Variants in CCBE1 observed in about 807,000 individuals in gnomAD.
The protein encoded by CCBE1 is collagen and calcium binding EGF domains 1.
CCBE1 carries 37 observed loss-of-function variants against 50.0 expected under a neutral mutation model. The observed-to-expected ratio is 0.74, with a 90% confidence interval of 0.57 to 0.97. The LOEUF (loss-of-function observed/expected upper bound fraction) is 0.97. Among genes scored for constraint, CCBE1 ranks in the 50% least tolerant of loss-of-function variants. The probability of loss-of-function intolerance (pLI) is 0.00; values close to 1 mark genes in which losing one functional copy is unlikely to be tolerated. For missense variants in CCBE1, 538 were observed against 523.8 expected (o/e 1.03, Z -0.26); for synonymous variants, 234 against 203.7 (o/e 1.15, Z -1.27).
At chr18:59,593,974 A>C (rs2053313189) in intron 2 of CCBE1, among the ~76,000 whole-genome samples, 1 of 152,210 alleles carries the variant, frequency 6.6e-6, no homozygotes, top group African/African-American at 2.4e-5. Flanking sequence ...TGCATTCAAG[A>C]ACCATGTCCC....
chr18:59,696,610 G>GCAGAGCCCC lies in CCBE1; in HGVS notation c.212+10_212+18dup, dbSNP rs1568278581. ...CCCGGTGCGCAGTGGCGAACAGCCC[G>GCAGAGCCCC]CAGAGCCCCCAGGCTTACCTGTAGC... On this transcript the variant is annotated intron_variant, in intron 2 of 10. Coordinates refer to ENST00000439986, the MANE Select transcript of CCBE1 (RefSeq NM_133459.4). 2 of 1,613,186 alleles carry GCAGAGCCCC rather than the reference G, an allele frequency of 1.2e-6. No individual in the cohort carries two copies. The highest frequency in any genetic ancestry group is 2.2e-5 in the South Asian group (2 of 91,068).
At chr18:59,691,227 A>C (rs1221086163) in intron 2 of CCBE1, among the ~76,000 whole-genome samples, 1 of 151,760 alleles carries the variant, frequency 6.6e-6, no homozygotes, top group Non-Finnish European at 1.5e-5. Context: ...GCCTCTGAGG[A>C]TATAGTCATG....
intron 2 of CCBE1, among the ~76,000 whole-genome samples, chr18:59,592,920 A>T (rs1307225681): frequency 6.6e-6 from 1 of 152,214 alleles, no homozygotes; most frequent in Non-Finnish European, 1.5e-5. Flanking sequence ...AAATAAAAAA[A>T]AAGGAAGGAA....
chr18:59,557,587 G>A (rs1207542668), intron 2 of CCBE1, among the ~76,000 whole-genome samples: 8 of 152,092 alleles, frequency 5.3e-5, no homozygotes, highest in Non-Finnish European at 8.8e-5. Context: ...CCAGTCAGAC[G>A]TTTGCATAGG....
rs146325418 is a variant in CCBE1, at chr18:59,474,276, C to T, written c.266-4669G>A. On this transcript the variant is annotated intron_variant, in intron 3 of 10. Coordinates refer to ENST00000439986, the MANE Select transcript of CCBE1 (RefSeq NM_133459.4). ...CACTGCTGGGCCAAATGGTAGTTTC[C>T]CTCTAATATCTGATGATCCTGAGAC... Among the ~76,000 whole-genome samples the T allele has an allele frequency of 5.6e-3, 850 of 152,184 alleles. 7 individuals carry two copies. Among genetic ancestry groups the T allele is most frequent in the African/African-American group, 0.019 (806 of 41,510 alleles).
chr18:59,498,341 G>A (rs760438922), intron 2 of CCBE1, among the ~76,000 whole-genome samples: 33 of 152,176 alleles, frequency 2.2e-4, no homozygotes, highest in African/African-American at 6.8e-4. Context: ...TTTGATTTGG[G>A]TGTTAATCAG....
At chr18:59,659,800 G>C (rs538294504) in intron 2 of CCBE1, among the ~76,000 whole-genome samples, 4 of 152,176 alleles carry the variant, frequency 2.6e-5, no homozygotes, top group Non-Finnish European at 5.9e-5. Flanking sequence ...CCAGCAATGA[G>C]CTGCGTGATC....
At chr18:59,673,237 G>A (rs1468378606) in intron 2 of CCBE1, among the ~76,000 whole-genome samples, 1 of 152,170 alleles carries the variant, frequency 6.6e-6, no homozygotes, top group Non-Finnish European at 1.5e-5. Flanking sequence ...AATGACTTGA[G>A]GTCAGGAGTT....
At chr18:59,513,134 C>A (rs1416308640) in intron 2 of CCBE1, among the ~76,000 whole-genome samples, 2 of 152,210 alleles carry the variant, frequency 1.3e-5, no homozygotes, top group Non-Finnish European at 2.9e-5. Context: ...ATGGCAAAAC[C>A]CCATCTCCAC....
In CCBE1 at chr18:59,696,403, G is replaced by A. The variant is rs2054804104; in HGVS notation, c.212+226C>T. On this transcript the variant is annotated intron_variant, in intron 2 of 10. Transcript: ENST00000439986. ...TTCAGGGAGCGGCAACCATCCTCAG[G>A]ATCTCAGGGCACACACCCTAGACGC... 6 of 1,166,518 alleles carry A rather than the reference G, an allele frequency of 5.1e-6. No homozygotes were observed. The Admixed American group carries it at 1.2e-4, about 22-fold the overall frequency. 72.3% of individuals were successfully genotyped at this position (1,166,518 alleles called of 1,614,324 possible).
chr18:59,697,083 C>CT, intron 1 of CCBE1, 129 bp downstream of exon 1: 1 of 1,306,998 alleles, frequency 7.7e-7, no homozygotes, highest in African/African-American at 1.5e-5. Context: ...GAGCACTCTC[C>CT]TTATCCCCGG....
chr18:59,633,958 G>C (rs749608519), intron 2 of CCBE1, among the ~76,000 whole-genome samples: 8 of 152,166 alleles, frequency 5.3e-5, no homozygotes, highest in Non-Finnish European at 8.8e-5. Context: ...GCCAATATGG[G>C]AACTAAGACA....
chr18:59,554,065 C>T (rs7506142), intron 2 of CCBE1, among the ~76,000 whole-genome samples: 15,775 of 152,136 alleles, frequency 0.1, 1,112 homozygotes, highest in East Asian at 0.34. Context: ...AGCAGTGGTG[C>T]GATCACAACT....
chr18:59,628,651 C>A (rs1300047160), intron 2 of CCBE1, among the ~76,000 whole-genome samples: 1 of 152,154 alleles, frequency 6.6e-6, no homozygotes, highest in Non-Finnish European at 1.5e-5. Context: ...GCCTTCTAAT[C>A]TAACCTGAGA....
intron 2 of CCBE1, among the ~76,000 whole-genome samples, chr18:59,688,614 C>T (rs1460752199): frequency 2.0e-5 from 3 of 152,166 alleles, no homozygotes; most frequent in Admixed American, 6.5e-5. Flanking sequence ...TCATGGAAAG[C>T]CATAGAAAGG....
At chr18:59,682,017 G>C (rs1434540452) in intron 2 of CCBE1, among the ~76,000 whole-genome samples, 1 of 152,180 alleles carries the variant, frequency 6.6e-6, no homozygotes, top group East Asian at 1.9e-4. Context: ...AGAGCCAGAG[G>C]GTTTCTGGAG....
chr18:59,645,028 G>A (rs2054038233), intron 2 of CCBE1, among the ~76,000 whole-genome samples: 1 of 152,174 alleles, frequency 6.6e-6, no homozygotes, highest in Non-Finnish European at 1.5e-5. Context: ...GGCCGAGGTG[G>A]GCGGATCACG....
intron 2 of CCBE1, among the ~76,000 whole-genome samples, chr18:59,570,164 C>G (rs978295549): frequency 6.6e-6 from 1 of 152,190 alleles, no homozygotes; most frequent in African/African-American, 2.4e-5. Context: ...AGCTTAGGAT[C>G]TAGCCTGGGA....
At chr18:59,631,043 CT>C (rs963772968) in intron 2 of CCBE1, among the ~76,000 whole-genome samples, 2 of 152,146 alleles carry the variant, frequency 1.3e-5, no homozygotes, top group African/African-American at 4.8e-5. Context: ...CTTCCATTTT[CT>C]TTTGGGGAAT....
Sources: gnomAD v4.1 joint callset for allele counts (sites outside exome capture counted in the v4.1 genomes callset) on GRCh38, gnomAD v4.1.1 for gene constraint, MANE v1.5 for transcripts, NCBI Gene and HGNC (gene_info 2026-07-23, HGNC 2026-07-21) for gene names.